The following CDH12 variants were observed in gnomAD, a reference collection of about 807,000 sequenced individuals.
The protein encoded by CDH12 is cadherin-12.
In CDH12, 41 loss-of-function variants were observed where a neutral mutation model predicts 74.1. The ratio of observed to expected loss-of-function variants is 0.55; its 90% confidence interval spans 0.43 to 0.72. CDH12 has a LOEUF of 0.72. Ranked by LOEUF, CDH12 falls within the 30% of genes least tolerant of loss-of-function variation. CDH12 has a pLI of 0.00. For synonymous variants in CDH12, 399 were observed against 355.0 expected (o/e 1.12, Z -1.39); for missense variants, 945 against 977.2 (o/e 0.97, Z 0.44).
chr5:22,546,481 T>A (rs891520362), intron 1 of CDH12, among the ~76,000 whole-genome samples: 1 of 152,138 alleles, frequency 6.6e-6, no homozygotes, highest in African/African-American at 2.4e-5. Flanking sequence ...CTTCCATATA[T>A]CAGGTCAGTT....
intron 3 of CDH12, among the ~76,000 whole-genome samples, chr5:22,313,757 T>C (rs1372018505): frequency 6.6e-6 from 1 of 152,126 alleles, no homozygotes; most frequent in East Asian, 1.9e-4. Flanking sequence ...TGTTCTCACT[T>C]AGAAACGGAA....
rs554493458 is a variant in CDH12, at chr5:22,370,176, G to T, written c.-333+35081C>A. On this transcript the variant is annotated intron_variant, in intron 3 of 14. Transcript: ENST00000382254. ...GCTTATATATTGCACATATTCAAGA[G>T]AAATTATTTTTAGAGATCCCTCCAC... 5.9e-5 allele frequency among the ~76,000 whole-genome samples: 9 copies of T among 152,224 alleles called. No homozygotes were observed. In the South Asian group the frequency reaches 6.2e-4, roughly 11 times the overall value.
At chr5:22,766,114 A>T (rs1746501695) in intron 1 of CDH12, among the ~76,000 whole-genome samples, 1 of 152,028 alleles carries the variant, frequency 6.6e-6, no homozygotes, top group Non-Finnish European at 1.5e-5. Flanking sequence ...TAATCATCTG[A>T]TTTTCAACTA....
intron 3 of CDH12, among the ~76,000 whole-genome samples, chr5:22,400,653 T>C (rs1285779068): frequency 1.3e-5 from 2 of 152,094 alleles, no homozygotes; most frequent in Admixed American, 6.6e-5. Context: ...AAATCTAATA[T>C]ATTTTATTTG....
At chr5:22,175,955 C>T (rs934240478) in intron 4 of CDH12, among the ~76,000 whole-genome samples, 5 of 152,196 alleles carry the variant, frequency 3.3e-5, no homozygotes, top group Admixed American at 1.3e-4. Context: ...TTCCTTTCTC[C>T]ACTCCTAAAA....
At chr5:22,789,214 T>A (rs1747790884) in intron 1 of CDH12, among the ~76,000 whole-genome samples, 1 of 152,012 alleles carries the variant, frequency 6.6e-6, no homozygotes, top group African/African-American at 2.4e-5. Context: ...TTTTAGAGAA[T>A]TTTAGTTTTA....
chr5:22,713,811 A>C (rs1040918159), intron 1 of CDH12, among the ~76,000 whole-genome samples: 7 of 152,124 alleles, frequency 4.6e-5, no homozygotes, highest in Non-Finnish European at 4.4e-5. Context: ...AATTCACCTT[A>C]TCCTGACTTT....
At chr5:22,095,602 C>A (rs910130696) in intron 4 of CDH12, among the ~76,000 whole-genome samples, 2 of 151,780 alleles carry the variant, frequency 1.3e-5, no homozygotes, top group Admixed American at 1.3e-4. Context: ...GGGCAAGAAC[C>A]CCCCAATCCC....
chr5:22,717,149 C>A (rs890195668), intron 1 of CDH12, among the ~76,000 whole-genome samples: 1 of 152,114 alleles, frequency 6.6e-6, no homozygotes, highest in Non-Finnish European at 1.5e-5. Flanking sequence ...ATGTCCTAGG[C>A]CCTCACATTC....
intron 3 of CDH12, among the ~76,000 whole-genome samples, chr5:22,249,153 G>T (rs1182804206): frequency 1.3e-5 from 2 of 152,096 alleles, no homozygotes; most frequent in African/African-American, 4.8e-5. Flanking sequence ...AGAAAAAAAT[G>T]ACAAAAGTAT....
At chr5:22,253,949 T>G (rs1451311663) in intron 3 of CDH12, among the ~76,000 whole-genome samples, 3 of 151,944 alleles carry the variant, frequency 2.0e-5, no homozygotes, top group Admixed American at 6.6e-5. Context: ...TTTACAGATA[T>G]TTCAGTGTCT....
At chr5:21,826,217 C>T (rs1748661329) in intron 8 of CDH12, among the ~76,000 whole-genome samples, 1 of 152,078 alleles carries the variant, frequency 6.6e-6, no homozygotes, top group African/African-American at 2.4e-5. Context: ...GGCAAAATAT[C>T]ATCTTATTCC....
At chr5:22,589,188 C>T (rs1740556569) in intron 1 of CDH12, among the ~76,000 whole-genome samples, 1 of 152,050 alleles carries the variant, frequency 6.6e-6, no homozygotes. Context: ...ATTTTTTCTG[C>T]TCTCTTGAAT....
chr5:21,879,409 C>T (rs1276232773), intron 6 of CDH12, among the ~76,000 whole-genome samples: 2 of 152,114 alleles, frequency 1.3e-5, no homozygotes, highest in African/African-American at 4.8e-5. Flanking sequence ...CTAGTGCCTC[C>T]ACAATACATG....
chr5:22,214,666 C>T lies in CDH12; in HGVS notation c.-332-2023G>A, dbSNP rs187324104. Among the ~76,000 whole-genome samples the T allele has an allele frequency of 5.3e-5, 8 of 152,242 alleles. 1 individual carries two copies. In the South Asian group the frequency reaches 1.5e-3, roughly 28 times the overall value. ...GAACTATTTTTAAAACTTATTAAAA[C>T]GTTAAGACAGGGCTTATTTTCCTGA... On this transcript the variant is annotated intron_variant, in intron 3 of 14. Transcript: ENST00000382254.
chr5:21,940,777 T>G (rs1443479343), intron 6 of CDH12, among the ~76,000 whole-genome samples: 2 of 152,168 alleles, frequency 1.3e-5, no homozygotes, highest in African/African-American at 2.4e-5. Flanking sequence ...CCACGTGTAA[T>G]TGTCACAGAA....
At chr5:22,529,161 A>G (rs1365334623) in intron 1 of CDH12, among the ~76,000 whole-genome samples, 3 of 112,900 alleles carry the variant, frequency 2.7e-5, no homozygotes, top group East Asian at 2.7e-4. Context: ...ATATATACAC[A>G]TGTGTATATA....
intron 3 of CDH12, among the ~76,000 whole-genome samples, chr5:22,370,060 A>T (rs1741211717): frequency 6.6e-6 from 1 of 152,170 alleles, no homozygotes; most frequent in Non-Finnish European, 1.5e-5. Context: ...TGATTCTATC[A>T]TGTCATCAGA....
chr5:22,314,870 GATA>G (rs1048007601), intron 3 of CDH12, among the ~76,000 whole-genome samples: 1 of 141,242 alleles, frequency 7.1e-6, no homozygotes, highest in Admixed American at 7.2e-5. Context: ...TAAGAAGAAA[GATA>G]ATATTTTTAA....
Sources: gnomAD v4.1 joint callset for allele counts (sites outside exome capture counted in the v4.1 genomes callset) on GRCh38, gnomAD v4.1.1 for gene constraint, MANE v1.5 for transcripts, NCBI Gene and HGNC (gene_info 2026-07-23, HGNC 2026-07-21) for gene names.